The following FAM171A1 variants were observed in gnomAD, a reference collection of about 807,000 sequenced individuals.
FAM171A1 encodes protein FAM171A1.
FAM171A1 carries 23 observed loss-of-function variants against 74.9 expected under a neutral mutation model. That is an observed-to-expected ratio of 0.31 (90% confidence interval 0.22 to 0.44). FAM171A1 has a LOEUF of 0.44. Ranked by LOEUF, FAM171A1 falls within the 20% of genes least tolerant of loss-of-function variation. The pLI is 1.00. For missense variants in FAM171A1, 1,162 were observed against 1,159.2 expected (o/e 1.00, Z -0.03); for synonymous variants, 527 against 505.7 (o/e 1.04, Z -0.57).
intron 5 of FAM171A1, among the ~76,000 whole-genome samples, chr10:15,247,613 A>C (rs1412562576): frequency 1.3e-5 from 2 of 152,118 alleles, no homozygotes; most frequent in Non-Finnish European, 2.9e-5. Flanking sequence ...GAAAGAAATG[A>C]TGGTATGCTG....
At chr10:15,351,898 C>A (rs897449610) in intron 1 of FAM171A1, among the ~76,000 whole-genome samples, 4 of 151,798 alleles carry the variant, frequency 2.6e-5, no homozygotes, top group African/African-American at 9.7e-5. Flanking sequence ...ACAAAAAATA[C>A]AAAAATTGGC....
intron 1 of FAM171A1, among the ~76,000 whole-genome samples, chr10:15,323,121 C>G (rs1348795382): frequency 2.9e-5 from 4 of 139,258 alleles, no homozygotes; most frequent in Non-Finnish European, 6.1e-5. Context: ...GTCTGGGCAA[C>G]AGAGCAAGAC....
chr10:15,254,873 C>G lies in FAM171A1; in HGVS notation c.425G>C (p.Arg142Pro). Residue 142 changes from arginine (R) to proline (P), a missense_variant, in exon 4 of 8, where the codon CGG becomes CCG. Coordinates refer to ENST00000378116, the MANE Select transcript of FAM171A1 (RefSeq NM_001010924.2). ...VQIVSGFQGA[R>P]PQPRVHFQRR... is the part of the protein sequence containing the mutation. ...CTGGAAATGAACGCGAGGCTGTGGC[C>G]GGGCACCTGCAGAGATTAACCTCCG... 1 of 1,613,602 alleles carries G rather than the reference C, an allele frequency of 6.2e-7. No individual in the cohort carries two copies.
chr10:15,361,982 A>T (rs1234332816), intron 1 of FAM171A1, among the ~76,000 whole-genome samples: 1 of 152,238 alleles, frequency 6.6e-6, no homozygotes, highest in Non-Finnish European at 1.5e-5. Context: ...AATCTCTGGT[A>T]AACTCAATTT....
At chr10:15,277,843 GCCTCCCAC>G (rs1834913817) in intron 2 of FAM171A1, among the ~76,000 whole-genome samples, 1 of 152,080 alleles carries the variant, frequency 6.6e-6, no homozygotes, top group South Asian at 2.1e-4. Context: ...TCCAGCCTCT[GCCTCCCAC>G]GTTCAAGCTA....
intron 1 of FAM171A1, among the ~76,000 whole-genome samples, chr10:15,308,303 G>A (rs1179380640): frequency 2.0e-5 from 3 of 152,154 alleles, no homozygotes; most frequent in Admixed American, 2.0e-4. Context: ...AGAAAGCAAA[G>A]CAAAATTGCT....
chr10:15,266,798 G>A (rs182024093), intron 3 of FAM171A1, among the ~76,000 whole-genome samples: 4 of 151,690 alleles, frequency 2.6e-5, no homozygotes, highest in African/African-American at 9.7e-5. Context: ...GAGTCTGGGA[G>A]GTCAAGGCTG....
chr10:15,265,500 A>G (rs1321583286), intron 3 of FAM171A1, among the ~76,000 whole-genome samples: 1 of 145,168 alleles, frequency 6.9e-6, no homozygotes, highest in African/African-American at 2.5e-5. Flanking sequence ...CTATAGTCCC[A>G]ACTACTCAGG....
At chr10:15,365,931 G>C (rs936797061) in intron 1 of FAM171A1, among the ~76,000 whole-genome samples, 3 of 152,148 alleles carry the variant, frequency 2.0e-5, no homozygotes, top group Non-Finnish European at 2.9e-5. Context: ...CAGCTGTTTA[G>C]GGGAACTTAA....
chr10:15,281,686 A>G (rs2131806723), intron 2 of FAM171A1, among the ~76,000 whole-genome samples: 1 of 152,098 alleles, frequency 6.6e-6, no homozygotes, highest in East Asian at 1.9e-4. Flanking sequence ...ACATGGCAAA[A>G]CCCCATCTCC....
intron 5 of FAM171A1, among the ~76,000 whole-genome samples, chr10:15,244,297 G>C (rs1834402936): frequency 6.6e-6 from 1 of 152,216 alleles, no homozygotes; most frequent in African/African-American, 2.4e-5. Flanking sequence ...GGAGGTTGTA[G>C]TGAGCTGAGA....
In FAM171A1 at chr10:15,351,405, C is replaced by T. The variant is rs569358861; in HGVS notation, c.97+19551G>A. 1.6e-4 allele frequency among the ~76,000 whole-genome samples: 24 copies of T among 152,282 alleles called. No individual in the cohort carries two copies. The South Asian group carries it at 4.3e-3, about 28-fold the overall frequency. ...TGCAGCAGCCAAATGACTTTGAGCACCTTTTCTTGGTCTAAAAAAGGAATC... is the reference window on the plus strand; with the variant it reads ...TGCAGCAGCCAAATGACTTTGAGCATCTTTTCTTGGTCTAAAAAAGGAATC... On this transcript the variant is annotated intron_variant, in intron 1 of 7. Transcript: ENST00000378116.
At chr10:15,310,850 G>A (rs1172965936) in intron 1 of FAM171A1, among the ~76,000 whole-genome samples, 4 of 151,988 alleles carry the variant, frequency 2.6e-5, no homozygotes, top group Non-Finnish European at 5.9e-5. Flanking sequence ...AAGACCCATT[G>A]GGTTTAAGCC....
At chr10:15,342,365 T>C (rs561811421) in intron 1 of FAM171A1, among the ~76,000 whole-genome samples, 1 of 152,082 alleles carries the variant, frequency 6.6e-6, no homozygotes, top group South Asian at 2.1e-4. Context: ...CAGTCAGGAG[T>C]TCGAGACCAG....
At chr10:15,231,114 G>A (rs1039557568) in intron 5 of FAM171A1, among the ~76,000 whole-genome samples, 1 of 152,240 alleles carries the variant, frequency 6.6e-6, no homozygotes, top group African/African-American at 2.4e-5. Flanking sequence ...CATGTGGTAG[G>A]ATGCTTGCTA....
chr10:15,320,590 T>C (rs1037920290), intron 1 of FAM171A1, among the ~76,000 whole-genome samples: 6 of 152,174 alleles, frequency 3.9e-5, no homozygotes, highest in Non-Finnish European at 7.3e-5. Flanking sequence ...CCACCAGCAG[T>C]GTATAAGTGT....
At chr10:15,300,064 T>C (rs921410938) in intron 1 of FAM171A1, among the ~76,000 whole-genome samples, 1 of 152,154 alleles carries the variant, frequency 6.6e-6, no homozygotes, top group Admixed American at 6.5e-5. Context: ...TCTCTGACAC[T>C]TGAAGTATTA....
intron 5 of FAM171A1, among the ~76,000 whole-genome samples, chr10:15,240,506 G>T (rs928894468): frequency 1.3e-5 from 2 of 152,116 alleles, no homozygotes; most frequent in African/African-American, 4.8e-5. Flanking sequence ...TGAATATATA[G>T]GTTGAAATAT....
chr10:15,348,985 A>G (rs1835848094), intron 1 of FAM171A1, among the ~76,000 whole-genome samples: 1 of 152,246 alleles, frequency 6.6e-6, no homozygotes, highest in Non-Finnish European at 1.5e-5. Context: ...TCATGCTACC[A>G]TCTCAAATTG....
Sources: allele counts gnomAD v4.1 joint callset (sites outside exome capture counted in the v4.1 genomes callset), GRCh38; gene constraint gnomAD v4.1.1; transcripts MANE v1.5; gene names NCBI Gene and HGNC (gene_info 2026-07-23, HGNC 2026-07-21).